ME1: variants seen among roughly 807,000 people sequenced by gnomAD.
The protein encoded by ME1 is NADP-dependent malic enzyme.
ME1 carries 74 observed loss-of-function variants against 66.4 expected under a neutral mutation model. The observed-to-expected ratio is 1.11, with a 90% confidence interval of 0.92 to 1.35. The LOEUF (loss-of-function observed/expected upper bound fraction) is 1.35. Among genes scored for constraint, ME1 ranks in the 40% most tolerant of loss-of-function variants. The probability of loss-of-function intolerance (pLI) is 0.00; values close to 1 mark genes in which losing one functional copy is unlikely to be tolerated. For synonymous variants in ME1, 251 were observed against 235.6 expected (o/e 1.07, Z -0.60); for missense variants, 750 against 694.1 (o/e 1.08, Z -0.90).
intron 1 of ME1, among the ~76,000 whole-genome samples, chr6:83,416,606 T>C (rs182105452): frequency 0.011 from 1,599 of 152,240 alleles, 12 homozygotes; most frequent in South Asian, 0.034. Flanking sequence ...TAGTAGTTCC[T>C]GGCCAGGCAC....
intron 6 of ME1, among the ~76,000 whole-genome samples, chr6:83,275,044 CA>C (rs1174385029): frequency 1.7e-4 from 26 of 152,096 alleles, no homozygotes; most frequent in Non-Finnish European, 3.4e-4. Context: ...TAAGATAGGA[CA>C]AAAACAGGCT....
chr6:83,317,331 T>C (rs1768054491), intron 5 of ME1, among the ~76,000 whole-genome samples: 1 of 152,184 alleles, frequency 6.6e-6, no homozygotes, highest in African/African-American at 2.4e-5. Context: ...GTATCCTCTT[T>C]TATTTCCTTG....
At chr6:83,390,049 C>A (rs1005520529) in intron 3 of ME1, among the ~76,000 whole-genome samples, 2 of 151,798 alleles carry the variant, frequency 1.3e-5, no homozygotes, top group African/African-American at 4.8e-5. Flanking sequence ...AAGGAGTATC[C>A]CAGCAGTCAT....
chr6:83,310,267 C>T (rs537407786), intron 6 of ME1, among the ~76,000 whole-genome samples: 7 of 152,098 alleles, frequency 4.6e-5, no homozygotes, highest in African/African-American at 1.7e-4. Context: ...GAATATAAAG[C>T]CTTGACCATC....
chr6:83,236,566 T>C (rs1296782597), intron 9 of ME1, among the ~76,000 whole-genome samples: 1 of 152,210 alleles, frequency 6.6e-6, no homozygotes. Context: ...GGCACAAGTA[T>C]TAATAATGCC....
chr6:83,253,185 G>C (rs1245511921), intron 7 of ME1, among the ~76,000 whole-genome samples: 1 of 152,120 alleles, frequency 6.6e-6, no homozygotes, highest in Non-Finnish European at 1.5e-5. Flanking sequence ...TGGCAGCTTA[G>C]ACAAAAGCAG....
At chr6:83,215,002 T>G (rs879359003) in intron 13 of ME1, among the ~76,000 whole-genome samples, 1 of 152,200 alleles carries the variant, frequency 6.6e-6, no homozygotes, top group Non-Finnish European at 1.5e-5. Context: ...CAAAATGAAC[T>G]TAAAATGATA....
At chr6:83,301,010 C>T (rs953874819) in intron 6 of ME1, among the ~76,000 whole-genome samples, 1 of 152,134 alleles carries the variant, frequency 6.6e-6, no homozygotes, top group African/African-American at 2.4e-5. Flanking sequence ...AACACTTGGA[C>T]ACAGGAAGGG....
At chr6:83,348,220 A>G (rs537460054) in intron 4 of ME1, among the ~76,000 whole-genome samples, 4 of 152,318 alleles carry the variant, frequency 2.6e-5, no homozygotes, top group South Asian at 4.1e-4. Flanking sequence ...GATTTAAGGT[A>G]AAAAAGATAA....
At chr6:83,272,629 A>G (rs543540812) in intron 6 of ME1, among the ~76,000 whole-genome samples, 2 of 152,120 alleles carry the variant, frequency 1.3e-5, no homozygotes, top group Non-Finnish European at 2.9e-5. Context: ...TGGAAAGGCA[A>G]TGCAGTCAGC....
intron 4 of ME1, among the ~76,000 whole-genome samples, chr6:83,348,984 C>CA (rs71545855): frequency 0.11 from 5,074 of 46,802 alleles, 287 homozygotes; most frequent in Non-Finnish European, 0.13. Context: ...AACTCTGTCT[C>CA]AAAAAAAAAA....
intron 6 of ME1, among the ~76,000 whole-genome samples, chr6:83,298,777 T>C (rs974715691): frequency 6.6e-6 from 1 of 151,980 alleles, no homozygotes; most frequent in Non-Finnish European, 1.5e-5. Context: ...TTCAGTTTTC[T>C]GCATATGGCT....
chr6:83,386,866 C>T (rs1769513548), intron 3 of ME1, among the ~76,000 whole-genome samples: 1 of 151,994 alleles, frequency 6.6e-6, no homozygotes, highest in Non-Finnish European at 1.5e-5. Flanking sequence ...AGCTGGCAGT[C>T]TACAACCCAG....
rs1047056046 is a variant in ME1 at position 83,211,785 on chromosome 6, T to C, written c.*139A>G. 3.6e-6 allele frequency: 2 copies of C among 553,418 alleles called. No homozygotes were observed. The highest frequency in any genetic ancestry group is 5.7e-6 in the Non-Finnish European group (2 of 350,328). The allele number at this position is 553,418 out of a possible 1,614,324, so 34.3% of individuals were successfully genotyped here. ...ATGTTTATCCCAATTTATATCGATA[T>C]TCTTCTATCAATTTTTAGACTGTTA... On this transcript the variant is annotated 3_prime_UTR_variant, in exon 14 of 14. Transcript: ENST00000369705.
Position 83,315,424 on chromosome 6 carries a change from A to C in ME1, c.601-11T>G, listed in dbSNP as rs1352690219. On this transcript the variant is annotated splice_polypyrimidine_tract_variant and intron_variant, in intron 5 of 13. Coordinates refer to ENST00000369705, the MANE Select transcript of ME1 (RefSeq NM_002395.6). ...ATCTTTAAGTAACTCCTATTAAAAAAAGTTACCATAAAAATAGAAATAACT... is the reference window on the plus strand; with the variant it reads ...ATCTTTAAGTAACTCCTATTAAAAACAGTTACCATAAAAATAGAAATAACT... The C allele has an allele frequency of 2.7e-6, 4 of 1,458,244 alleles. No homozygotes were observed. Among genetic ancestry groups the C allele is most frequent in the African/African-American group, 1.4e-5 (1 of 70,684 alleles). 90.3% of individuals were successfully genotyped at this position (1,458,244 alleles called of 1,614,324 possible). A position where few individuals can be genotyped will look rare whatever the true frequency, so the allele number is the denominator to read the frequency against.
chr6:83,258,156 T>C (rs753751829), intron 6 of ME1, among the ~76,000 whole-genome samples: 39 of 152,202 alleles, frequency 2.6e-4, no homozygotes, highest in Non-Finnish European at 4.7e-4. Flanking sequence ...AATCTGGGAA[T>C]AGGCATAGGT....
At chr6:83,269,929 T>G (rs1350521048) in intron 6 of ME1, among the ~76,000 whole-genome samples, 1 of 152,198 alleles carries the variant, frequency 6.6e-6, no homozygotes, top group Non-Finnish European at 1.5e-5. Flanking sequence ...CATTCCAAAA[T>G]TCTGTATTAC....
At chr6:83,276,763 T>C (rs921248739) in intron 6 of ME1, among the ~76,000 whole-genome samples, 2 of 152,216 alleles carry the variant, frequency 1.3e-5, no homozygotes, top group Non-Finnish European at 2.9e-5. Flanking sequence ...AAGTTTTTAA[T>C]GTCTTGACAA....
At chr6:83,357,262 T>TA (rs1336430448) in intron 3 of ME1, among the ~76,000 whole-genome samples, 1 of 152,350 alleles carries the variant, frequency 6.6e-6, no homozygotes, top group East Asian at 1.9e-4. Flanking sequence ...TCCAGGCTTC[T>TA]TTACTGCAAA....
Sources: gnomAD v4.1 joint callset for allele counts (sites outside exome capture counted in the v4.1 genomes callset) on GRCh38, gnomAD v4.1.1 for gene constraint, MANE v1.5 for transcripts, NCBI Gene and HGNC (gene_info 2026-07-23, HGNC 2026-07-21) for gene names.